The following ARG2 variants were observed in gnomAD, a reference collection of about 807,000 sequenced individuals.
The protein encoded by ARG2 is arginase-2, mitochondrial.
ARG2 carries 21 observed loss-of-function variants against 39.4 expected under a neutral mutation model. The ratio of observed to expected loss-of-function variants is 0.53; its 90% CI spans 0.38 to 0.77. The LOEUF (loss-of-function observed/expected upper bound fraction) is 0.77, where lower values mean the gene tolerates loss of function less well. Among genes scored for constraint, ARG2 ranks in the 30% least tolerant of loss-of-function variants. The pLI is 0.00. For synonymous variants in ARG2, 150 were observed against 156.7 expected (o/e 0.96, Z 0.32); for missense variants, 378 against 426.2 (o/e 0.89, Z 1.00).
At chr14:67,621,177 T>G (rs952420510) in intron 2 of ARG2, among the ~76,000 whole-genome samples, 1 of 152,028 alleles carries the variant, frequency 6.6e-6, no homozygotes, top group Admixed American at 6.6e-5. Flanking sequence ...GGCAAGGAGG[T>G]AGAGTGAGGC....
chr14:67,645,681 GCC>G lies in ARG2; in HGVS notation c.403_404del (p.Pro135ArgfsTer8), dbSNP rs2037088871. The G allele has an allele frequency of 1.2e-6, 2 of 1,613,836 alleles. No homozygotes were observed. Among genetic ancestry groups the G allele is most frequent in the Admixed American group, 3.3e-5 (2 of 59,970 alleles). ...ACCATTAGTGGCCATGCCCGACACT[GCC>G]CAGACCTTTGTGTTGTCTGGGTTGA... On this transcript the variant is annotated frameshift_variant, in exon 4 of 8. Coordinates refer to ENST00000261783, the MANE Select transcript of ARG2 (RefSeq NM_001172.4). LOFTEE classifies it high-confidence loss of function.
At chr14:67,648,244 G>T in intron 7 of ARG2, 61 bp downstream of exon 7, 1 of 1,530,838 alleles carries the variant, frequency 6.5e-7, no homozygotes, top group East Asian at 2.3e-5. Context: ...AGAGTCTCTT[G>T]CCTGCAAAGG....
rs1284605912 is a variant in ARG2 at position 67,645,787 on chromosome 14, A to G, written c.507A>G (p.Arg169=). Residue 169 remains arginine (R), a synonymous_variant, in exon 4 of 8, where the codon AGA becomes AGG. Coordinates refer to ENST00000261783, the MANE Select transcript of ARG2 (RefSeq NM_001172.4). ...LHGQPVSFLL[R]ELQDKVPQLP... ...GACAGCCAGTTTCATTTCTCCTCAG[A>G]GAACTACAGGATAAGGTCAGTGGGC... 1 of 1,613,982 alleles carries G rather than the reference A, an allele frequency of 6.2e-7. No homozygotes were observed. The highest frequency in any genetic ancestry group is 2.2e-5 in the East Asian group (1 of 44,882).
rs1013323615 is a variant in ARG2, at chr14:67,651,534, C to CT, written c.*615dup. The CT allele has an allele frequency of 4.0e-5, 64 of 1,597,228 alleles. No homozygotes were observed. The Middle Eastern group carries it at 6.7e-4, about 17-fold the overall frequency. On this transcript the variant is annotated 3_prime_UTR_variant, in exon 8 of 8. Transcript: ENST00000261783. ...GTCAGAAGTTTGGATAACCTTCCTT[C>CT]TAAACATTTTGGGGTTAGACCTGGG...
intron 2 of ARG2, among the ~76,000 whole-genome samples, chr14:67,624,971 A>G (rs1209751153): frequency 6.6e-6 from 1 of 152,228 alleles, no homozygotes; most frequent in Non-Finnish European, 1.5e-5. Context: ...GGAGGCTGGC[A>G]GTTACTGCAA....
intron 2 of ARG2, among the ~76,000 whole-genome samples, chr14:67,626,484 T>C (rs531764105): frequency 6.6e-6 from 1 of 152,300 alleles, no homozygotes; most frequent in South Asian, 2.1e-4. Flanking sequence ...CATTCCTATG[T>C]ATATACCTAA....
intron 2 of ARG2, among the ~76,000 whole-genome samples, chr14:67,630,554 G>C (rs1288360213): frequency 6.6e-6 from 1 of 152,160 alleles, no homozygotes; most frequent in Non-Finnish European, 1.5e-5. Flanking sequence ...AGTTACAAGC[G>C]AGGTTAGTAA....
At chr14:67,644,071 T>C (rs553408668) in intron 3 of ARG2, among the ~76,000 whole-genome samples, 2 of 152,310 alleles carry the variant, frequency 1.3e-5, no homozygotes, top group South Asian at 4.1e-4. Flanking sequence ...TCAATGTGAT[T>C]ACCACAGATC....
chr14:67,645,908 C>T, intron 4 of ARG2, 106 bp downstream of exon 4: 1 of 1,274,218 alleles, frequency 7.8e-7, no homozygotes, highest in Non-Finnish European at 1.1e-6. Context: ...GTGTGGATTA[C>T]CACTCCTTCA....
intron 2 of ARG2, among the ~76,000 whole-genome samples, chr14:67,633,206 G>A (rs566151248): frequency 1.5e-3 from 228 of 152,114 alleles, no homozygotes; most frequent in African/African-American, 5.1e-3. Context: ...TTGTTTTTAA[G>A]TTTGAGTTGA....
At chr14:67,649,926 G>GC (rs1377659414) in intron 7 of ARG2, 2 of 152,144 alleles carry the variant, frequency 1.3e-5, no homozygotes, top group Non-Finnish European at 2.9e-5. Context: ...AGAGGGGTGA[G>GC]CATAGTAGCA....
Position 67,651,003 on chromosome 14 carries a change from G to C in ARG2, c.*83G>C. 1 of 1,367,272 alleles carries C rather than the reference G, an allele frequency of 7.3e-7. No individual in the cohort carries two copies. The highest frequency in any genetic ancestry group is 1.0e-6 in the Non-Finnish European group (1 of 978,250). The allele number at this position is 1,367,272 out of a possible 1,614,324, so 84.7% of individuals were successfully genotyped here. On this transcript the variant is annotated 3_prime_UTR_variant, in exon 8 of 8. Coordinates refer to ENST00000261783, the MANE Select transcript of ARG2 (RefSeq NM_001172.4). Reference sequence around the variant, plus strand: ...GGGGATAGATGAATACTAAATGGTTGTCTGGGTCAATACTGCCTTAATGAG... The same window carrying C: ...GGGGATAGATGAATACTAAATGGTTCTCTGGGTCAATACTGCCTTAATGAG...
intron 2 of ARG2, 126 bp from the exon 3 acceptor site, chr14:67,642,060 T>C (rs529419074): frequency 1.0e-6 from 1 of 972,228 alleles, no homozygotes; most frequent in South Asian, 1.7e-5. Context: ...ATTTGACATT[T>C]TAAATTTTAC....
At chr14:67,635,025 G>C (rs1303176362) in intron 2 of ARG2, among the ~76,000 whole-genome samples, 1 of 152,072 alleles carries the variant, frequency 6.6e-6, no homozygotes, top group African/African-American at 2.4e-5. Context: ...AGGGTGGATC[G>C]CCTGAGGCCA....
At chr14:67,631,229 C>T (rs1481806593) in intron 2 of ARG2, among the ~76,000 whole-genome samples, 1 of 152,174 alleles carries the variant, frequency 6.6e-6, no homozygotes, top group Non-Finnish European at 1.5e-5. Context: ...TTTCACATTT[C>T]AGCTTGTTAT....
chr14:67,621,084 G>T lies in ARG2; in HGVS notation c.184+118G>T. The T allele has an allele frequency of 6.5e-6, 6 of 922,586 alleles. No homozygotes were observed. The East Asian group carries it at 1.3e-4, about 20-fold the overall frequency. 57.1% of individuals were successfully genotyped at this position (922,586 alleles called of 1,614,324 possible). ...GTTTGGGAACAGTCTGCCACATCCC[G>T]CATCCTCCTTTGGATTCCGTCTGCG... On this transcript the variant is annotated intron_variant, in intron 2 of 7. Coordinates refer to ENST00000261783, the MANE Select transcript of ARG2 (RefSeq NM_001172.4).
chr14:67,626,423 T>C (rs1032564531), intron 2 of ARG2, among the ~76,000 whole-genome samples: 13 of 152,220 alleles, frequency 8.5e-5, no homozygotes, highest in African/African-American at 3.1e-4. Context: ...GGAAAACAGT[T>C]TGGCAGATCC....
chr14:67,640,874 T>C (rs1048720249), intron 2 of ARG2, among the ~76,000 whole-genome samples: 2 of 152,204 alleles, frequency 1.3e-5, no homozygotes, highest in Non-Finnish European at 2.9e-5. Flanking sequence ...TAGTAAAGGA[T>C]AGAGGTTGAG....
intron 2 of ARG2, among the ~76,000 whole-genome samples, chr14:67,638,074 G>A (rs1566801162): frequency 6.6e-6 from 1 of 152,190 alleles, no homozygotes; most frequent in Non-Finnish European, 1.5e-5. Context: ...CTGAATTACT[G>A]CATAAAGGAA....
Sources: gnomAD v4.1 joint callset for allele counts (sites outside exome capture counted in the v4.1 genomes callset) on GRCh38, gnomAD v4.1.1 for gene constraint, MANE v1.5 for transcripts, NCBI Gene and HGNC (gene_info 2026-07-23, HGNC 2026-07-21) for gene names.